AGPS: variants seen among roughly 807,000 people sequenced by gnomAD.
The protein encoded by AGPS is alkylglycerone phosphate synthase.
In AGPS, 26 loss-of-function variants were observed where a neutral mutation model predicts 90.7. That is an observed-to-expected ratio of 0.29 (90% CI 0.21 to 0.40). The LOEUF (loss-of-function observed/expected upper bound fraction) is 0.40. Ranked by LOEUF, AGPS falls within the 10% of genes least tolerant of loss-of-function variation. The pLI, the probability that AGPS is intolerant of heterozygous loss-of-function variation, is 1.00. For synonymous variants in AGPS, 294 were observed against 285.3 expected (o/e 1.03, Z -0.31); for missense variants, 540 against 816.1 (o/e 0.66, Z 4.12).
intron 7 of AGPS, 100 bp downstream of exon 7, chr2:177,442,586 C>A: frequency 1.0e-6 from 1 of 979,352 alleles, no homozygotes; most frequent in Non-Finnish European, 1.6e-6. Flanking sequence ...GTGGCTCACG[C>A]TTGTAATCCC....
intron 7 of AGPS, 40 bp downstream of exon 7, chr2:177,442,526 A>G (rs1395305677): frequency 6.9e-7 from 1 of 1,455,510 alleles, no homozygotes. Context: ...CATTTTCTTT[A>G]TTGGCTCCAC....
chr2:177,533,529 G>C (rs565344685), intron 19 of AGPS, among the ~76,000 whole-genome samples: 1 of 152,142 alleles, frequency 6.6e-6, no homozygotes, highest in African/African-American at 2.4e-5. Context: ...AGTGAGTATA[G>C]GTGGCTTGGA....
intron 10 of AGPS, 122 bp from the exon 11 acceptor site, chr2:177,481,937 C>G: frequency 1.2e-6 from 1 of 828,242 alleles, no homozygotes; most frequent in Admixed American, 3.1e-5. Flanking sequence ...CCATTATTCC[C>G]CAGGTAGACT....
intron 1 of AGPS, among the ~76,000 whole-genome samples, chr2:177,394,412 A>G (rs1422924150): frequency 6.6e-6 from 1 of 152,230 alleles, no homozygotes; most frequent in Non-Finnish European, 1.5e-5. Context: ...TGTTCTTGGC[A>G]TACAAACAGT....
At chr2:177,481,937 C>A in intron 10 of AGPS, 122 bp from the exon 11 acceptor site, 1 of 828,242 alleles carries the variant, frequency 1.2e-6, no homozygotes, top group Non-Finnish European at 1.7e-6. Context: ...CCATTATTCC[C>A]CAGGTAGACT....
In AGPS at chr2:177,539,582, G is replaced by A. The variant is rs994395555; in HGVS notation, c.*1387G>A. ...AGACGATCCTTTAAAAGGATGCATT[G>A]TCTGTGTATGTAGCAACAGCTCCAA... On this transcript the variant is annotated 3_prime_UTR_variant, in exon 20 of 20. Coordinates refer to ENST00000264167, the MANE Select transcript of AGPS (RefSeq NM_003659.4). 4.6e-5 allele frequency: 7 copies of A among 151,966 alleles called. No individual in the cohort carries two copies. Among genetic ancestry groups the A allele is most frequent in the African/African-American group, 1.7e-4 (7 of 41,424 alleles). 9.4% of individuals were successfully genotyped at this position (151,966 alleles called of 1,614,324 possible). A position where few individuals can be genotyped will look rare whatever the true frequency, so the allele number is the denominator to read the frequency against.
intron 8 of AGPS, among the ~76,000 whole-genome samples, chr2:177,452,081 C>G (rs1188645168): frequency 6.6e-6 from 1 of 152,072 alleles, no homozygotes; most frequent in Non-Finnish European, 1.5e-5. Context: ...AAATTTATTA[C>G]TACTTGTTTT....
intron 16 of AGPS, among the ~76,000 whole-genome samples, chr2:177,509,144 A>T (rs149081727): frequency 3.5e-4 from 54 of 152,252 alleles, no homozygotes; most frequent in African/African-American, 1.3e-3. Flanking sequence ...TTCTACATGC[A>T]GTCATCATCT....
intron 1 of AGPS, among the ~76,000 whole-genome samples, chr2:177,419,323 C>G (rs1265442684): frequency 6.6e-6 from 1 of 151,850 alleles, no homozygotes; most frequent in African/African-American, 2.4e-5. Context: ...CAGCAAATAA[C>G]TTTCAAGATA....
intron 10 of AGPS, 49 bp downstream of exon 10, chr2:177,468,573 A>G (rs1354994981): frequency 1.1e-5 from 14 of 1,320,506 alleles, no homozygotes; most frequent in Non-Finnish European, 1.5e-5. Context: ...TTAGTCATGC[A>G]GTTTTGTGAA....
At chr2:177,503,190 A>T (rs1688610785) in intron 14 of AGPS, among the ~76,000 whole-genome samples, 1 of 152,162 alleles carries the variant, frequency 6.6e-6, no homozygotes, top group Non-Finnish European at 1.5e-5. Context: ...ATATGACCCA[A>T]CAGAACATAG....
chr2:177,524,344 C>A (rs1022683502), intron 19 of AGPS, among the ~76,000 whole-genome samples: 13 of 152,168 alleles, frequency 8.5e-5, no homozygotes, highest in Non-Finnish European at 1.5e-5. Flanking sequence ...GAATTTATCA[C>A]ATCACCAATA....
chr2:177,393,441 A>G (rs1685082643), intron 1 of AGPS: 1 of 985,460 alleles, frequency 1.0e-6, no homozygotes, highest in Non-Finnish European at 1.2e-6. Context: ...AATTTGTACT[A>G]GATGATAGAT....
At chr2:177,410,194 A>G (rs1288600337) in intron 1 of AGPS, among the ~76,000 whole-genome samples, 3 of 152,152 alleles carry the variant, frequency 2.0e-5, no homozygotes, top group African/African-American at 7.2e-5. Flanking sequence ...TCCTTCTGTA[A>G]GCATTTCTAA....
At chr2:177,524,190 T>G (rs1039085355) in intron 19 of AGPS, among the ~76,000 whole-genome samples, 2 of 152,230 alleles carry the variant, frequency 1.3e-5, no homozygotes, top group Non-Finnish European at 2.9e-5. Context: ...ATCAGTTATA[T>G]AATATATTGA....
At chr2:177,441,373 A>G (rs1686595577) in intron 6 of AGPS, 1 of 240,326 alleles carries the variant, frequency 4.2e-6, no homozygotes, top group Admixed American at 5.3e-5. Context: ...AAATATAAAT[A>G]TGTCCTATAT....
chr2:177,441,783 A>G (rs150551845), intron 6 of AGPS, among the ~76,000 whole-genome samples: 167 of 152,328 alleles, frequency 1.1e-3, no homozygotes, highest in African/African-American at 3.8e-3. Context: ...TAATGGTATC[A>G]AGAAGGCATT....
At chr2:177,530,613 G>A (rs1473347843) in intron 19 of AGPS, among the ~76,000 whole-genome samples, 1 of 152,182 alleles carries the variant, frequency 6.6e-6, no homozygotes, top group Non-Finnish European at 1.5e-5. Context: ...CAGGGGTTGG[G>A]AGAATATTGA....
At chr2:177,451,458 T>C (rs1686947683) in intron 8 of AGPS, among the ~76,000 whole-genome samples, 1 of 152,108 alleles carries the variant, frequency 6.6e-6, no homozygotes, top group South Asian at 2.1e-4. Flanking sequence ...CATTGGATTT[T>C]TTACATAGAT....
Sources: gnomAD v4.1 joint callset for allele counts (sites outside exome capture counted in the v4.1 genomes callset) on GRCh38, gnomAD v4.1.1 for gene constraint, MANE v1.5 for transcripts, NCBI Gene and HGNC (gene_info 2026-07-23, HGNC 2026-07-21) for gene names.